The following SND1 variants were observed in gnomAD, a reference collection of about 807,000 sequenced individuals.
The protein encoded by SND1 is staphylococcal nuclease domain-containing protein 1.
In SND1, 38 loss-of-function variants were observed where a neutral mutation model predicts 121.7. The observed-to-expected ratio is 0.31, with a 90% CI of 0.24 to 0.41. SND1 has a LOEUF of 0.41. SND1 is among the 10% of genes least tolerant of loss of function. The pLI is 1.00. For synonymous variants in SND1, 401 were observed against 447.4 expected, an observed-to-expected ratio of 0.90 and a Z score of 1.31; for missense variants, 868 against 1,184.6, an observed-to-expected ratio of 0.73 and a Z score of 3.92.
At chr7:128,007,794 GA>G (rs1325961812) in intron 16 of SND1, among the ~76,000 whole-genome samples, 1 of 152,154 alleles carries the variant, frequency 6.6e-6, no homozygotes, top group Non-Finnish European at 1.5e-5. Context: ...AAATAGAAGT[GA>G]GTATGACCCA....
intron 11 of SND1, among the ~76,000 whole-genome samples, chr7:127,811,459 C>A (rs886810217): frequency 6.6e-6 from 1 of 152,146 alleles, no homozygotes; most frequent in Non-Finnish European, 1.5e-5. Flanking sequence ...GGAGTTACCC[C>A]ATTATCTATT....
intron 14 of SND1, among the ~76,000 whole-genome samples, chr7:127,911,471 A>G (rs1800453728): frequency 6.6e-6 from 1 of 151,978 alleles, no homozygotes; most frequent in African/African-American, 2.4e-5. Flanking sequence ...CAGCCTTCCA[A>G]AGTGCTGGGA....
Position 128,084,829 on chromosome 7 carries a change from A to G in SND1, c.2216A>G (p.Lys739Arg), listed in dbSNP as rs1345318383. Residue 739 changes from lysine to arginine, a missense_variant, in exon 19 of 24, where the codon AAA becomes AGA. Physicochemically the swap from Lys to Arg is conservative, Grantham distance 26. Transcript: ENST00000354725. ...APRRGEFCIA[K>R]FVDGEWYRAR... is the part of the protein sequence containing the mutation. Reference sequence around the variant, plus strand: ...CGCAGGGGAGAGTTCTGCATTGCCAAATTTGTAGATGGAGAATGGTAAGCC... The same window carrying G: ...CGCAGGGGAGAGTTCTGCATTGCCAGATTTGTAGATGGAGAATGGTAAGCC... The G allele has an allele frequency of 1.3e-6, 2 of 1,599,278 alleles. No individual in the cohort carries two copies. The highest frequency in any genetic ancestry group is 8.5e-7 in the Non-Finnish European group (1 of 1,169,982).
intron 12 of SND1, among the ~76,000 whole-genome samples, chr7:127,861,601 A>G (rs929077488): frequency 6.6e-6 from 1 of 152,134 alleles, no homozygotes; most frequent in African/African-American, 2.4e-5. Context: ...CAGCCTCCCA[A>G]GTAGCTGGGA....
At chr7:127,685,017 T>TC (rs1469306044) in intron 1 of SND1, among the ~76,000 whole-genome samples, 1 of 152,152 alleles carries the variant, frequency 6.6e-6, no homozygotes, top group African/African-American at 2.4e-5. Flanking sequence ...AAATCCTTGG[T>TC]CAGGGTAATG....
chr7:127,903,893 G>A (rs1286334178), intron 13 of SND1, among the ~76,000 whole-genome samples: 8 of 152,264 alleles, frequency 5.3e-5, no homozygotes, highest in African/African-American at 1.9e-4. Context: ...AGATTTGTGG[G>A]AACATCCCCT....
At chr7:128,071,997 C>T (rs1002154236) in intron 16 of SND1, among the ~76,000 whole-genome samples, 3 of 152,192 alleles carry the variant, frequency 2.0e-5, no homozygotes, top group Admixed American at 6.5e-5. Flanking sequence ...TGCTCACCTG[C>T]GCAGGAGAGC....
chr7:128,029,529 T>C lies in SND1; in HGVS notation c.1779+38473T>C, dbSNP rs1480408820. On this transcript the variant is annotated intron_variant, in intron 16 of 23. Transcript: ENST00000354725. This position sits in a 1 kb window ranked among gnomAD's most constrained non-coding sequence, Gnocchi z 4.2. ...CATAGGGGGAGTCCGACACTTAAGT[T>C]CTGCCATCCGACCCTCAGAAATGTT... The C allele has an allele frequency of 6.2e-7, 1 of 1,614,042 alleles. No homozygotes were observed. Among genetic ancestry groups the C allele is most frequent in the East Asian group, 2.2e-5 (1 of 44,864 alleles).
intron 16 of SND1, among the ~76,000 whole-genome samples, chr7:128,063,050 G>A (rs376891635): frequency 1.3e-5 from 2 of 152,114 alleles, no homozygotes; most frequent in East Asian, 1.9e-4. Context: ...TCTGGGCTCC[G>A]GGGGTCCAGG....
intron 14 of SND1, among the ~76,000 whole-genome samples, chr7:127,920,336 G>T (rs1225300333): frequency 6.6e-6 from 1 of 152,176 alleles, no homozygotes; most frequent in Admixed American, 6.6e-5. Flanking sequence ...AGCAATCTGG[G>T]AAAGGTTGTG....
At chr7:128,091,656 G>A (rs151049063) in intron 22 of SND1, among the ~76,000 whole-genome samples, 181 bp from the exon 23 acceptor site, 132 of 152,308 alleles carry the variant, frequency 8.7e-4, no homozygotes, top group African/African-American at 2.9e-3. Flanking sequence ...GAAGAGTTAA[G>A]GGAAAAGCCA....
intron 10 of SND1, among the ~76,000 whole-genome samples, chr7:127,741,159 A>G (rs1171805347): frequency 2.6e-5 from 4 of 152,196 alleles, no homozygotes; most frequent in South Asian, 2.1e-4. Flanking sequence ...CTTAAGAGCC[A>G]TAATGTGGCC....
At chr7:127,722,158 C>T (rs1796505764) in intron 10 of SND1, among the ~76,000 whole-genome samples, 1 of 152,060 alleles carries the variant, frequency 6.6e-6, no homozygotes, top group South Asian at 2.1e-4. Context: ...CTGTTTTTGT[C>T]GTCTGATAAC....
intron 16 of SND1, among the ~76,000 whole-genome samples, chr7:128,069,124 A>G (rs2117043747): frequency 6.6e-6 from 1 of 152,306 alleles, no homozygotes; most frequent in Middle Eastern, 3.4e-3. Flanking sequence ...AGCTCATCCT[A>G]TCAACCCCAC....
At chr7:127,908,356 G>A (rs1406903026) in intron 14 of SND1, among the ~76,000 whole-genome samples, 2 of 150,490 alleles carry the variant, frequency 1.3e-5, no homozygotes, top group Non-Finnish European at 3.0e-5. Flanking sequence ...GTGTGTGTGT[G>A]TGTGCGTGCG....
At chr7:127,925,581 ATT>A (rs1169959843) in intron 14 of SND1, among the ~76,000 whole-genome samples, 2 of 151,126 alleles carry the variant, frequency 1.3e-5, no homozygotes, top group African/African-American at 4.9e-5. Context: ...TTAAATCTTT[ATT>A]TATATATATG....
At chr7:127,661,167 G>A (rs140936902) in intron 1 of SND1, among the ~76,000 whole-genome samples, 265 of 152,242 alleles carry the variant, frequency 1.7e-3, no homozygotes, top group African/African-American at 5.9e-3. Flanking sequence ...TTCCCAGGAC[G>A]CTTTGTTTTT....
At chr7:127,780,466 G>C (rs962692187) in intron 10 of SND1, among the ~76,000 whole-genome samples, 5 of 152,206 alleles carry the variant, frequency 3.3e-5, no homozygotes, top group African/African-American at 1.2e-4. Flanking sequence ...TGATATTACA[G>C]ATAATGTATG....
intron 10 of SND1, among the ~76,000 whole-genome samples, chr7:127,795,050 T>C (rs781483358): frequency 1.8e-4 from 27 of 152,260 alleles, no homozygotes; most frequent in Non-Finnish European, 3.2e-4. Context: ...GCTTCTTATT[T>C]GTAGATTTTT....
Sources: gnomAD v4.1 joint callset for allele counts (sites outside exome capture counted in the v4.1 genomes callset) on GRCh38, gnomAD v4.1.1 for gene constraint, Gnocchi (gnomAD v3.1) non-coding constraint, MANE v1.5 for transcripts, NCBI Gene and HGNC (gene_info 2026-07-23, HGNC 2026-07-21) for gene names.